Variants in ARHGEF26 observed in about 807,000 individuals in gnomAD.
ARHGEF26 encodes the protein Rho guanine nucleotide exchange factor 26, also known as Rho guanine nucleotide exchange factor (GEF) 26.
A neutral mutation model predicts 89.4 loss-of-function variants in ARHGEF26; 59 were observed. That is an observed-to-expected ratio of 0.66 (90% CI 0.54 to 0.82). ARHGEF26 has a LOEUF of 0.82. ARHGEF26 is among the 40% of genes least tolerant of loss of function. The pLI is 0.00. For missense variants in ARHGEF26, 1,234 were observed against 1,085.6 expected (o/e 1.14, Z -1.92); for synonymous variants, 500 against 428.4 (o/e 1.17, Z -2.06).
At chr3:154,142,717 C>T (rs1719455153) in intron 4 of ARHGEF26, among the ~76,000 whole-genome samples, 2 of 152,184 alleles carry the variant, frequency 1.3e-5, no homozygotes, top group Non-Finnish European at 1.5e-5. Context: ...TTCTTTTCTT[C>T]CGCAAGAGAG....
Position 154,129,609 on chromosome 3 carries a change from G to C in ARHGEF26, c.1159G>C (p.Ala387Pro), listed in dbSNP as rs775828838. Residue 387 changes from alanine to proline, a missense_variant, in exon 4 of 15, where the codon GCC (alanine) becomes CCC (proline). Ala to Pro is a conservative substitution (Grantham distance 27, BLOSUM62 -1). Coordinates refer to ENST00000465093, the MANE Select transcript of ARHGEF26 (RefSeq NM_015595.4). ...AVLYQNYKEKALDIDSDEESE... is the reference protein window; with the variant it reads ...AVLYQNYKEKPLDIDSDEESE... ...CCTGTATCAAAACTACAAGGAAAAGGCCCTTGACATTGATTCTGATGAAGA... is the reference window on the plus strand; with the variant it reads ...CCTGTATCAAAACTACAAGGAAAAGCCCCTTGACATTGATTCTGATGAAGA... 1.2e-6 allele frequency: 2 copies of C among 1,611,688 alleles called. No individual in the cohort carries two copies. Among genetic ancestry groups the C allele is most frequent in the Non-Finnish European group, 1.7e-6 (2 of 1,178,836 alleles).
chr3:154,207,432 G>A (rs766927252), intron 9 of ARHGEF26, among the ~76,000 whole-genome samples: 22 of 151,894 alleles, frequency 1.4e-4, no homozygotes, highest in African/African-American at 2.2e-4. Flanking sequence ...TTTAAAAAGC[G>A]GGCAAAGGAC....
intron 8 of ARHGEF26, among the ~76,000 whole-genome samples, chr3:154,192,995 G>A (rs1019326110): frequency 6.6e-6 from 1 of 152,128 alleles, no homozygotes; most frequent in African/African-American, 2.4e-5. Flanking sequence ...ATGTTATACA[G>A]TGTTGGAGAT....
Position 154,122,865 on chromosome 3 carries a change from C to G in ARHGEF26, c.873C>G (p.His291Gln). Residue 291 changes from histidine to glutamine, a missense_variant, in exon 2 of 15, where the codon CAC (histidine) becomes CAG (glutamine). Physicochemically the swap from His to Gln is conservative, Grantham distance 24. Transcript: ENST00000465093. ...AGGGCCTAGGAGGACCCCTGGGTCA[C>G]GCAGGGGAGGAGAGTGAGGTCGATA... Reference protein sequence around the residue: ...MVEGLGGPLGHAGEESEVDND... With the variant: ...MVEGLGGPLGQAGEESEVDND... 4 of 1,612,860 alleles carry G rather than the reference C, an allele frequency of 2.5e-6. 1 individual carries two copies. The South Asian group carries it at 4.4e-5, about 18-fold the overall frequency.
At chr3:154,221,769 G>T (rs898440042) in intron 10 of ARHGEF26, among the ~76,000 whole-genome samples, 4 of 152,194 alleles carry the variant, frequency 2.6e-5, no homozygotes, top group African/African-American at 7.2e-5. Flanking sequence ...AGATGCAGAT[G>T]AAACTAGTTA....
rs3029724 is a variant in ARHGEF26, at chr3:154,226,660, T to TACACACACACAC, written c.2090+675_2090+686dup. Among the ~76,000 whole-genome samples, 981 of 148,146 alleles carry TACACACACACAC rather than the reference T, an allele frequency of 6.6e-3. 8 individuals carry two copies. The highest frequency in any genetic ancestry group is 0.017 in the Middle Eastern group (5 of 286). The stretch of plus-strand genomic sequence containing the variant: ...TTCTTCTGTCAGACTGTTTCTGTTC[T>TACACACACACAC]ACACACACACACACACACACACACA... On this transcript the variant is annotated intron_variant, in intron 11 of 14. Transcript: ENST00000465093.
intron 4 of ARHGEF26, among the ~76,000 whole-genome samples, chr3:154,147,971 C>G (rs2108088133): frequency 6.6e-6 from 1 of 152,302 alleles, no homozygotes; most frequent in East Asian, 1.9e-4. Context: ...CTTGATCAGT[C>G]TCTGAAATCT....
chr3:154,134,199 T>C (rs1265273501), intron 4 of ARHGEF26, among the ~76,000 whole-genome samples: 2 of 152,206 alleles, frequency 1.3e-5, no homozygotes, highest in Non-Finnish European at 2.9e-5. Flanking sequence ...TTTCTTCCTT[T>C]CTTTCTCTTG....
chr3:154,121,855 G>A (rs1717945440), intron 1 of ARHGEF26, 87 bp from the exon 2 acceptor site: 1 of 1,230,118 alleles, frequency 8.1e-7, no homozygotes, highest in African/African-American at 1.5e-5. Flanking sequence ...CGCAGCAGCA[G>A]GGGGACCGCC....
chr3:154,225,798 A>G, intron 10 of ARHGEF26, 58 bp from the exon 11 acceptor site: 3 of 1,525,184 alleles, frequency 2.0e-6, no homozygotes, highest in Non-Finnish European at 1.8e-6. Flanking sequence ...TTTTACTTTC[A>G]GTAAACTTAA....
In ARHGEF26 at chr3:154,256,969, CTCTGT is replaced by C. The variant is rs1360982810; in HGVS notation, c.*1500_*1504del. On this transcript the variant is annotated 3_prime_UTR_variant, in exon 15 of 15. Transcript: ENST00000465093. Reference sequence around the variant, plus strand: ...ATTTTTACTGGCAGCTATATTCCCTCTCTGTTCTATTTGCTTTAACAAAGGGATAA... The same window carrying C: ...ATTTTTACTGGCAGCTATATTCCCTCTCTATTTGCTTTAACAAAGGGATAA... 14 of 1,528,206 alleles carry C rather than the reference CTCTGT, an allele frequency of 9.2e-6. No individual in the cohort carries two copies. The Admixed American group carries it at 1.4e-4, about 15-fold the overall frequency. The allele number at this position is 1,528,206 out of a possible 1,614,324, so 94.7% of individuals were successfully genotyped here. A position where few individuals can be genotyped will look rare whatever the true frequency, so the allele number is the denominator to read the frequency against.
intron 11 of ARHGEF26, 110 bp downstream of exon 11, chr3:154,226,120 G>GAAACTATAC: frequency 1.1e-6 from 1 of 931,168 alleles, no homozygotes; most frequent in Non-Finnish European, 1.5e-6. Context: ...TGGAAGTATA[G>GAAACTATAC]TTTCTACATA....
intron 9 of ARHGEF26, among the ~76,000 whole-genome samples, chr3:154,212,864 G>C (rs1715465230): frequency 6.6e-6 from 1 of 152,064 alleles, no homozygotes; most frequent in South Asian, 2.1e-4. Flanking sequence ...CCCTGGGGGT[G>C]GGGGATCCAT....
intron 11 of ARHGEF26, among the ~76,000 whole-genome samples, chr3:154,234,260 A>G (rs1716978719): frequency 6.6e-6 from 1 of 151,982 alleles, no homozygotes; most frequent in Admixed American, 6.5e-5. Flanking sequence ...CCTTCCTTTC[A>G]CTATCCTGGG....
chr3:154,125,892 A>T (rs754607286), intron 3 of ARHGEF26, among the ~76,000 whole-genome samples: 28 of 152,248 alleles, frequency 1.8e-4, no homozygotes, highest in Middle Eastern at 3.4e-3. Flanking sequence ...AATCTGTGAT[A>T]TTAGAGCCAG....
intron 6 of ARHGEF26, among the ~76,000 whole-genome samples, chr3:154,167,623 G>A (rs986823250): frequency 6.6e-6 from 1 of 152,126 alleles, no homozygotes; most frequent in Non-Finnish European, 1.5e-5. Flanking sequence ...TTTCTGCACT[G>A]TAGTTAAATT....
intron 14 of ARHGEF26, 135 bp downstream of exon 14, chr3:154,254,959 T>C: frequency 4.0e-6 from 3 of 741,606 alleles, no homozygotes; most frequent in East Asian, 5.1e-5. Flanking sequence ...ATATATGTAC[T>C]GTCTTCTCAT....
rs988591379 is a variant in ARHGEF26, at chr3:154,122,709, C to T, written c.717C>T (p.Ser239=). The change falls in exon 2 of 15, where the codon AGC becomes AGT. Residue 239 remains serine, a synonymous_variant. Transcript: ENST00000465093. ...ENPSVVLSTN[S]PAALKVGKQQ... The stretch of plus-strand genomic sequence containing the variant: ...CTTCCGTGGTTTTGAGTACAAACAG[C>T]CCCGCCGCCCTCAAAGTGGGGAAGC... 3.1e-6 allele frequency: 5 copies of T among 1,613,456 alleles called. No individual in the cohort carries two copies. The highest frequency in any genetic ancestry group is 4.2e-6 in the Non-Finnish European group (5 of 1,179,730).
At chr3:154,234,549 T>A (rs368174023) in intron 11 of ARHGEF26, among the ~76,000 whole-genome samples, 1 of 152,148 alleles carries the variant, frequency 6.6e-6, no homozygotes, top group African/African-American at 2.4e-5. Context: ...TTTAAAAAAA[T>A]ATTTGATATG....
Sources: gnomAD v4.1 joint callset for allele counts (sites outside exome capture counted in the v4.1 genomes callset) on GRCh38, gnomAD v4.1.1 for gene constraint, MANE v1.5 for transcripts, NCBI Gene and HGNC (gene_info 2026-07-23, HGNC 2026-07-21) for gene names.